The following GARIN1A variants were observed in gnomAD, a reference collection of about 807,000 sequenced individuals.
GARIN1A encodes golgi associated RAB2 interactor 1A.
chr7:128,673,854 A>G, the GARIN1A span, among the ~76,000 whole-genome samples: 18 of 151,950 alleles, frequency 1.2e-4, no homozygotes. Context: ...TCAGGATCCA[A>G]TTTCTAGTCA....
At chr7:128,705,920 G>A in the GARIN1A span, among the ~76,000 whole-genome samples, 1 of 152,060 alleles carries the variant, frequency 6.6e-6, no homozygotes, top group African/African-American at 2.4e-5. Flanking sequence ...CTCCCAAAGT[G>A]TTGGGATTAC....
At chr7:128,690,265 A>G in the GARIN1A span, among the ~76,000 whole-genome samples, 9 of 152,220 alleles carry the variant, frequency 5.9e-5, no homozygotes, top group Non-Finnish European at 1.0e-4. Flanking sequence ...GGACACAAAC[A>G]CTGCGGAAGG....
chr7:128,700,459 TA>T, the GARIN1A span, among the ~76,000 whole-genome samples: 1 of 152,040 alleles, frequency 6.6e-6, no homozygotes, highest in African/African-American at 2.4e-5. Context: ...TTTGTATTTT[TA>T]GTAGAGATGG....
chr7:128,676,843 A>G, the GARIN1A span, among the ~76,000 whole-genome samples: 2 of 151,990 alleles, frequency 1.3e-5, no homozygotes, highest in Non-Finnish European at 2.9e-5. Context: ...TAGCCTCTCT[A>G]AGCCTCAGCC....
At chr7:128,673,291 A>G in the GARIN1A span, among the ~76,000 whole-genome samples, 1,513 of 152,300 alleles carry the variant, frequency 9.9e-3, 12 homozygotes, top group Non-Finnish European at 0.014. Context: ...GTAACTGTCT[A>G]AGCAAGCTCT....
the GARIN1A span, among the ~76,000 whole-genome samples, chr7:128,707,268 G>C: frequency 6.8e-6 from 1 of 146,188 alleles, no homozygotes; most frequent in Non-Finnish European, 1.5e-5. Flanking sequence ...TTCAATATAA[G>C]ATCTACCCTC....
chr7:128,690,581 C>T, the GARIN1A span: 1 of 152,024 alleles, frequency 6.6e-6, no homozygotes, highest in Non-Finnish European at 1.5e-5. Flanking sequence ...CACTTTCACC[C>T]TTAGGTATTA....
the GARIN1A span, among the ~76,000 whole-genome samples, chr7:128,677,274 G>T: frequency 1.3e-5 from 2 of 151,808 alleles, no homozygotes; most frequent in Non-Finnish European, 1.5e-5. Flanking sequence ...TTGGGAGGCC[G>T]AGGCGGGCGG....
At chr7:128,688,958 G>A in the GARIN1A span, among the ~76,000 whole-genome samples, 5 of 151,338 alleles carry the variant, frequency 3.3e-5, no homozygotes, top group South Asian at 2.1e-4. Context: ...GCGCCACCAC[G>A]CCTGACTGGT....
the GARIN1A span, among the ~76,000 whole-genome samples, chr7:128,676,953 G>T: frequency 2.2e-4 from 34 of 151,460 alleles, no homozygotes; most frequent in Admixed American, 7.2e-4. Flanking sequence ...TGGGAGGATC[G>T]CTTGAAGCCA....
At chr7:128,676,703 G>T in the GARIN1A span, among the ~76,000 whole-genome samples, 1 of 151,698 alleles carries the variant, frequency 6.6e-6, no homozygotes, top group African/African-American at 2.4e-5. Flanking sequence ...ATATACAGGA[G>T]ACAGCTATCC....
chr7:128,677,669 A>T, the GARIN1A span: 1 of 1,613,856 alleles, frequency 6.2e-7, no homozygotes, highest in Non-Finnish European at 8.5e-7. Context: ...AGCTCCACGA[A>T]AAACACCCAG....
chr7:128,700,247 C>T, the GARIN1A span, among the ~76,000 whole-genome samples: 3 of 150,306 alleles, frequency 2.0e-5, no homozygotes, highest in African/African-American at 7.3e-5. Flanking sequence ...TTAGTACTGA[C>T]ATTTAGTAAG....
the GARIN1A span, chr7:128,693,655 C>T: frequency 0.27 from 41,211 of 152,396 alleles, 5,953 homozygotes; most frequent in East Asian, 0.54. Context: ...GGTGCCCACA[C>T]ATGGCTTGCT....
chr7:128,677,679 G>A, the GARIN1A span: 8 of 1,613,588 alleles, frequency 5.0e-6, no homozygotes, highest in Admixed American at 1.7e-5. Flanking sequence ...AAAACACCCA[G>A]AGATTGTGTT....
the GARIN1A span, among the ~76,000 whole-genome samples, chr7:128,705,655 GTTTTTTT>G: frequency 1.6e-5 from 1 of 61,498 alleles, no homozygotes; most frequent in African/African-American, 6.9e-5. Flanking sequence ...TTTTTTTGGT[GTTTTTTT>G]TTTTTTTTTT....
the GARIN1A span, among the ~76,000 whole-genome samples, chr7:128,690,155 A>G: frequency 3.4e-4 from 52 of 152,336 alleles, no homozygotes; most frequent in Admixed American, 3.1e-3. Flanking sequence ...CTCAGGGTTA[A>G]ATGGATTAAG....
the GARIN1A span, chr7:128,683,452 TTTTATTTA>T: frequency 7.1e-4 from 110 of 154,338 alleles, no homozygotes; most frequent in Middle Eastern, 5.8e-3. Context: ...GACTGGGTAA[TTTTATTTA>T]TTTATTTATT....
chr7:128,676,010 A>G, the GARIN1A span, among the ~76,000 whole-genome samples: 655 of 142,026 alleles, frequency 4.6e-3, 3 homozygotes, highest in Non-Finnish European at 7.4e-3. Flanking sequence ...GCAACGATTT[A>G]TTTAGTATCT....
Sources: gnomAD v4.1 joint callset for allele counts (sites outside exome capture counted in the v4.1 genomes callset) on GRCh38, gnomAD v4.1.1 for gene constraint, MANE v1.5 for transcripts, NCBI Gene and HGNC (gene_info 2026-07-23, HGNC 2026-07-21) for gene names.